UMAD1: variants seen among roughly 807,000 people sequenced by gnomAD.
The protein encoded by UMAD1 is UBAP1-MVB12-associated (UMA) domain containing 1.
In UMAD1, 8 loss-of-function variants were observed where a neutral mutation model predicts 6.1. That is an observed-to-expected ratio of 1.30 (90% confidence interval 0.76 to 2.35). The LOEUF (loss-of-function observed/expected upper bound fraction) is 2.35, where lower values mean the gene tolerates loss of function less well. Among genes scored for constraint, UMAD1 ranks in the 30% most tolerant of loss-of-function variants. UMAD1 has a pLI of 0.00. For missense variants in UMAD1, 130 were observed against 78.4 expected (o/e 1.66, Z -2.49); for synonymous variants, 56 against 31.4 (o/e 1.78, Z -2.61).
chr7:7,688,948 G>C (rs940636395), intron 2 of UMAD1, among the ~76,000 whole-genome samples: 1 of 152,062 alleles, frequency 6.6e-6, no homozygotes, highest in Non-Finnish European at 1.5e-5. Flanking sequence ...CTATTACTTG[G>C]ATTTAAATTA....
intron 2 of UMAD1, among the ~76,000 whole-genome samples, chr7:7,695,395 TCTC>T (rs1176720348): frequency 6.6e-6 from 1 of 152,184 alleles, no homozygotes; most frequent in African/African-American, 2.4e-5. Flanking sequence ...GAGAGAAAAA[TCTC>T]CTAACCTTGT....
At chr7:7,742,480 A>T (rs568858250) in intron 2 of UMAD1, 1 of 530,744 alleles carries the variant, frequency 1.9e-6, no homozygotes, top group African/African-American at 1.9e-5. Flanking sequence ...ACCTTTCAAC[A>T]CTGCCTTCTT....
At chr7:7,802,143 G>T (rs1782812955) in intron 3 of UMAD1, among the ~76,000 whole-genome samples, 1 of 152,258 alleles carries the variant, frequency 6.6e-6, no homozygotes, top group Non-Finnish European at 1.5e-5. Context: ...ACTTTGGGAG[G>T]CCTAGGCGGG....
At chr7:7,780,158 G>A (rs534547199) in intron 2 of UMAD1, among the ~76,000 whole-genome samples, 1 of 152,306 alleles carries the variant, frequency 6.6e-6, no homozygotes, top group South Asian at 2.1e-4. Context: ...ACAGGTTCCA[G>A]TGTTCCTGTC....
intron 3 of UMAD1, among the ~76,000 whole-genome samples, chr7:7,873,160 G>A (rs2115343099): frequency 6.6e-6 from 1 of 152,202 alleles, no homozygotes; most frequent in Non-Finnish European, 1.5e-5. Context: ...AGGAAACTGA[G>A]GCACGGAGAA....
intron 2 of UMAD1, among the ~76,000 whole-genome samples, chr7:7,697,120 T>G (rs1780340000): frequency 6.6e-6 from 1 of 152,186 alleles, no homozygotes; most frequent in Non-Finnish European, 1.5e-5. Context: ...TTGCTTTTCT[T>G]TTTATTTAAA....
At position 7,699,047 on chromosome 7, in the gene UMAD1, T is replaced by TG. The variant is rs1253153111; in HGVS notation, c.82+25595dup. Among the ~76,000 whole-genome samples, 269 of 121,520 alleles carry TG rather than the reference T, an allele frequency of 2.2e-3. 2 individuals are homozygous for TG. Among genetic ancestry groups the TG allele is most frequent in the African/African-American group, 7.6e-3 (243 of 31,834 alleles). The allele number at this position is 121,520 out of a possible 152,430, so 79.7% of individuals were successfully genotyped here. A position where few individuals can be genotyped will look rare whatever the true frequency, so the allele number is the denominator to read the frequency against. Reference sequence around the variant, plus strand: ...TTTTTATATAGTTTGTGTGTGTGTGTGTGGGGGGGGGGTAGATACCAGGTT... The same window carrying TG: ...TTTTTATATAGTTTGTGTGTGTGTGTGGTGGGGGGGGGGTAGATACCAGGTT... On this transcript the variant is annotated intron_variant, in intron 2 of 3. Coordinates refer to ENST00000682710, the MANE Select transcript of UMAD1 (RefSeq NM_001302348.2).
chr7:7,847,778 T>C (rs1211009291), intron 3 of UMAD1, among the ~76,000 whole-genome samples: 3 of 152,146 alleles, frequency 2.0e-5, no homozygotes, highest in African/African-American at 7.2e-5. Context: ...TTTGAACTCC[T>C]GGCTCAAAGC....
At position 7,687,024 on chromosome 7, in the gene UMAD1, G is replaced by T. The variant is rs28912735; in HGVS notation, c.82+13571G>T. Among the ~76,000 whole-genome samples, 1,174 of 152,278 alleles carry T rather than the reference G, an allele frequency of 7.7e-3. 21 individuals carry two copies. Among genetic ancestry groups the T allele is most frequent in the African/African-American group, 0.027 (1,127 of 41,546 alleles). ...AGTGAAGTCAAAGAGTTGTGAAGTT[G>T]CCATACCAGTCCTTTGAACTTTCCT... On this transcript the variant is annotated intron_variant, in intron 2 of 3. Transcript: ENST00000682710.
At chr7:7,877,151 C>G in intron 3 of UMAD1, 130 bp from the exon 4 acceptor site, 2 of 605,088 alleles carry the variant, frequency 3.3e-6, no homozygotes, top group Non-Finnish European at 5.9e-6. Context: ...AAGTAAAGAG[C>G]TGCGTTCAAA....
chr7:7,660,456 T>C (rs1386071482), intron 1 of UMAD1, among the ~76,000 whole-genome samples: 2 of 152,242 alleles, frequency 1.3e-5, no homozygotes, highest in East Asian at 3.8e-4. Context: ...TTCCTTTCCA[T>C]GTTTAGTGTT....
In UMAD1 at chr7:7,734,990, T is replaced by C. The variant is rs576044478; in HGVS notation, c.82+61537T>C. ...ATTGTATTTTATAGTCCTAAAATTATATTTAATAAATATAGTGTGAACAGG... is the reference window on the plus strand; with the variant it reads ...ATTGTATTTTATAGTCCTAAAATTACATTTAATAAATATAGTGTGAACAGG... On this transcript the variant is annotated intron_variant, in intron 2 of 3. Coordinates refer to ENST00000682710, the MANE Select transcript of UMAD1 (RefSeq NM_001302348.2). Among the ~76,000 whole-genome samples the C allele has an allele frequency of 9.2e-5, 14 of 152,312 alleles. No individual in the cohort carries two copies. In the East Asian group the frequency reaches 2.1e-3, roughly 23 times the overall value.
At chr7:7,824,512 C>T (rs1349587234) in intron 3 of UMAD1, among the ~76,000 whole-genome samples, 1 of 152,130 alleles carries the variant, frequency 6.6e-6, no homozygotes, top group Non-Finnish European at 1.5e-5. Context: ...GTATCATTCC[C>T]TGTGTGAGGC....
intron 3 of UMAD1, among the ~76,000 whole-genome samples, chr7:7,874,387 T>C (rs1784380333): frequency 6.6e-6 from 1 of 152,236 alleles, no homozygotes; most frequent in African/African-American, 2.4e-5. Context: ...AGTCAGAATA[T>C]ATCACCTTTC....
chr7:7,677,425 G>T, intron 2 of UMAD1, among the ~76,000 whole-genome samples: 1 of 150,612 alleles, frequency 6.6e-6, no homozygotes, highest in African/African-American at 2.4e-5. Context: ...CTTGCCTTTG[G>T]TAACCATCAT....
chr7:7,709,398 G>A (rs900136561), intron 2 of UMAD1, among the ~76,000 whole-genome samples: 2 of 152,226 alleles, frequency 1.3e-5, no homozygotes, highest in Non-Finnish European at 2.9e-5. Flanking sequence ...GATAAGTCCT[G>A]TGGATAAGCT....
chr7:7,749,674 G>C lies in UMAD1; in HGVS notation c.83-51996G>C, dbSNP rs888719390. Among the ~76,000 whole-genome samples the C allele has an allele frequency of 2.0e-5, 3 of 152,020 alleles. No individual in the cohort carries two copies. In the East Asian group the frequency reaches 5.8e-4, roughly 29 times the overall value. The stretch of plus-strand genomic sequence containing the variant: ...ATATTTTTCTAAAATAAAACTGGGC[G>C]TTGATATTTGCTGTGATCTAATATG... On this transcript the variant is annotated intron_variant, in intron 2 of 3. Transcript: ENST00000682710.
intron 2 of UMAD1, among the ~76,000 whole-genome samples, chr7:7,749,798 G>A (rs955248851): frequency 5.9e-5 from 9 of 152,068 alleles, no homozygotes; most frequent in South Asian, 2.1e-4. Flanking sequence ...CACAGAAAAC[G>A]TCTAAGATAA....
At chr7:7,804,939 C>T (rs1306840306) in intron 3 of UMAD1, among the ~76,000 whole-genome samples, 2 of 152,124 alleles carry the variant, frequency 1.3e-5, no homozygotes, top group East Asian at 1.9e-4. Flanking sequence ...CGAGATCACA[C>T]CACTGCACTC....
Sources: gnomAD v4.1 joint callset for allele counts (sites outside exome capture counted in the v4.1 genomes callset) on GRCh38, gnomAD v4.1.1 for gene constraint, MANE v1.5 for transcripts, NCBI Gene and HGNC (gene_info 2026-07-23, HGNC 2026-07-21) for gene names.